The following CEP128 variants were observed in gnomAD, a reference collection of about 807,000 sequenced individuals.
CEP128 encodes centrosomal protein 128.
Under a neutral mutation model 156.7 loss-of-function variants are expected in CEP128, and 132 were observed. The observed-to-expected ratio is 0.84, with a 90% CI of 0.73 to 0.97. The LOEUF is 0.97. CEP128 is among the 50% of genes least tolerant of loss of function. CEP128 has a pLI of 0.00. For synonymous variants in CEP128, 469 were observed against 448.9 expected (o/e 1.04, Z -0.57); for missense variants, 1,252 against 1,281.9 (o/e 0.98, Z 0.36).
intron 23 of CEP128, among the ~76,000 whole-genome samples, chr14:80,512,751 A>G (rs1258999225): frequency 6.6e-6 from 1 of 151,338 alleles, no homozygotes; most frequent in Non-Finnish European, 1.5e-5. Flanking sequence ...AGGTTTTTTG[A>G]TTTAAGGTTA....
At chr14:80,483,448 G>C (rs935625073) in intron 14 of CEP128, among the ~76,000 whole-genome samples, 1 of 152,234 alleles carries the variant, frequency 6.6e-6, no homozygotes, top group Non-Finnish European at 1.5e-5. Context: ...GATGCTATCT[G>C]ATTGGTGTGG....
rs554182732 is a variant in CEP128 at position 80,799,782 on chromosome 14, T to C, written c.1210-6672A>G. ...GGGAAAAACTCTGCCCCTGGTAAAT[T>C]TGTGGTCAGACTGGTTCTCTGCTCT... On this transcript the variant is annotated intron_variant, in intron 13 of 24. Transcript: ENST00000555265. Among the ~76,000 whole-genome samples, 169 of 152,224 alleles carry C rather than the reference T, an allele frequency of 1.1e-3. 1 individual carries two copies. The highest frequency in any genetic ancestry group is 1.8e-3 in the Non-Finnish European group (122 of 68,022).
At chr14:80,824,724 C>T (rs1885375452) in intron 13 of CEP128, among the ~76,000 whole-genome samples, 1 of 152,188 alleles carries the variant, frequency 6.6e-6, no homozygotes, top group Non-Finnish European at 1.5e-5. Context: ...TGGGCAAAGC[C>T]ATTCAACAAG....
intron 8 of CEP128, among the ~76,000 whole-genome samples, chr14:80,867,706 G>A (rs956254070): frequency 1.3e-5 from 2 of 151,872 alleles, no homozygotes; most frequent in Non-Finnish European, 2.9e-5. Context: ...AGAGGCTATG[G>A]AATTTATGAG....
intron 20 of CEP128, among the ~76,000 whole-genome samples, chr14:80,575,827 A>G (rs1177956743): frequency 6.6e-6 from 1 of 152,208 alleles, no homozygotes; most frequent in Non-Finnish European, 1.5e-5. Context: ...GTATGAAAGG[A>G]AAATGAATAG....
At chr14:80,619,367 G>GACACACACACACACACAGACAC (rs367620098) in intron 19 of CEP128, among the ~76,000 whole-genome samples, 55 of 139,464 alleles carry the variant, frequency 3.9e-4, no homozygotes, top group Non-Finnish European at 7.2e-4. Context: ...AAGACACACA[G>GACACACACACACACACAGACAC]ACACACACAC....
At chr14:80,722,910 TC>T (rs1897879598) in intron 19 of CEP128, among the ~76,000 whole-genome samples, 2 of 144,136 alleles carry the variant, frequency 1.4e-5, no homozygotes, top group African/African-American at 5.2e-5. Flanking sequence ...CACTGCAAGC[TC>T]CGCCTCCTGG....
chr14:80,740,771 A>G (rs930893274), intron 19 of CEP128, among the ~76,000 whole-genome samples: 1 of 152,172 alleles, frequency 6.6e-6, no homozygotes, highest in African/African-American at 2.4e-5. Context: ...AACTTTGACA[A>G]TGGCTTATTT....
At chr14:80,854,606 A>G (rs1160087022) in intron 9 of CEP128, among the ~76,000 whole-genome samples, 1 of 152,126 alleles carries the variant, frequency 6.6e-6, no homozygotes, top group Non-Finnish European at 1.5e-5. Context: ...GAGATGTAGG[A>G]AAAAAATCAG....
intron 19 of CEP128, among the ~76,000 whole-genome samples, chr14:80,632,104 A>G (rs190673094): frequency 6.6e-6 from 1 of 152,244 alleles, no homozygotes; most frequent in East Asian, 1.9e-4. Context: ...ATATACCTGA[A>G]AAGCAATAGC....
chr14:80,727,764 A>AT (rs1898075350), intron 19 of CEP128, among the ~76,000 whole-genome samples: 1 of 152,172 alleles, frequency 6.6e-6, no homozygotes, highest in Non-Finnish European at 1.5e-5. Context: ...ATATGAAAAA[A>AT]GTTCAACATC....
intron 19 of CEP128, among the ~76,000 whole-genome samples, chr14:80,665,298 C>G (rs1182308288): frequency 5.3e-5 from 8 of 151,974 alleles, no homozygotes; most frequent in Non-Finnish European, 2.9e-5. Flanking sequence ...AATATGAGAC[C>G]CCCTAGGCTA....
intron 19 of CEP128, among the ~76,000 whole-genome samples, chr14:80,647,672 G>T (rs897914730): frequency 1.3e-5 from 2 of 152,074 alleles, no homozygotes; most frequent in African/African-American, 4.8e-5. Context: ...GGGAGGGGAG[G>T]TCGTCTGGTG....
intron 23 of CEP128, 72 bp downstream of exon 23, chr14:80,526,797 G>T: frequency 1.3e-6 from 1 of 758,530 alleles, no homozygotes; most frequent in Non-Finnish European, 2.3e-6. Flanking sequence ...ACACTGCAGA[G>T]GCTGCTTAAG....
chr14:80,686,709 C>T (rs987886082), intron 19 of CEP128, among the ~76,000 whole-genome samples: 10 of 151,652 alleles, frequency 6.6e-5, no homozygotes, highest in Admixed American at 6.6e-4. Flanking sequence ...ACACCTATGC[C>T]CAAAATTTAA....
chr14:80,853,607 C>T (rs1444797007), intron 9 of CEP128, among the ~76,000 whole-genome samples: 1 of 151,652 alleles, frequency 6.6e-6, no homozygotes, highest in Non-Finnish European at 1.5e-5. Context: ...TTTATACAGA[C>T]AATTATAAAA....
intron 8 of CEP128, among the ~76,000 whole-genome samples, chr14:80,874,524 T>C (rs170596): frequency 0.49 from 74,880 of 151,792 alleles, 18,969 homozygotes; most frequent in African/African-American, 0.57. Context: ...ATCGGATATA[T>C]AAAAAAGATT....
intron 21 of CEP128, among the ~76,000 whole-genome samples, chr14:80,553,684 T>A (rs1302974859): frequency 1.3e-5 from 2 of 152,214 alleles, no homozygotes; most frequent in African/African-American, 2.4e-5. Flanking sequence ...GTACTTTGAA[T>A]TTTTTGTTAC....
At chr14:80,835,956 T>C (rs560050204) in intron 12 of CEP128, among the ~76,000 whole-genome samples, 1 of 152,304 alleles carries the variant, frequency 6.6e-6, no homozygotes, top group East Asian at 1.9e-4. Flanking sequence ...TGCAGGCTCT[T>C]TCTAAGAGAA....
Sources: gnomAD v4.1 joint callset for allele counts (sites outside exome capture counted in the v4.1 genomes callset) on GRCh38, gnomAD v4.1.1 for gene constraint, MANE v1.5 for transcripts, NCBI Gene and HGNC (gene_info 2026-07-23, HGNC 2026-07-21) for gene names.